Variants in STXBP5L observed in about 807,000 individuals in gnomAD.
STXBP5L encodes syntaxin-binding protein 5-like.
A neutral mutation model predicts 144.5 loss-of-function variants in STXBP5L; 65 were observed. That is an observed-to-expected ratio of 0.45 (90% CI 0.37 to 0.55). The LOEUF is 0.55. Among genes scored for constraint, STXBP5L ranks in the 20% least tolerant of loss-of-function variants. STXBP5L has a pLI of 0.00. For synonymous variants in STXBP5L, 505 were observed against 469.6 expected (o/e 1.08, Z -0.97); for missense variants, 1,298 against 1,405.5 (o/e 0.92, Z 1.22).
At chr3:121,084,960 G>A (rs555080013) in intron 5 of STXBP5L, among the ~76,000 whole-genome samples, 8 of 151,998 alleles carry the variant, frequency 5.3e-5, no homozygotes, top group Non-Finnish European at 1.2e-4. Flanking sequence ...TTTCTCTAAT[G>A]ATCAATGATG....
intron 20 of STXBP5L, among the ~76,000 whole-genome samples, chr3:121,368,340 T>C (rs1322281639): frequency 1.3e-5 from 2 of 152,146 alleles, no homozygotes; most frequent in Non-Finnish European, 2.9e-5. Flanking sequence ...TTAGGTTTTC[T>C]ATCTCTTTAC....
intron 15 of STXBP5L, among the ~76,000 whole-genome samples, chr3:121,253,797 A>ATTTTTTTTTT: frequency 8.3e-6 from 1 of 120,644 alleles, no homozygotes; most frequent in Non-Finnish European, 1.6e-5. Context: ...CGCCCCGCTA[A>ATTTTTTTTTT]TTTTTTTTTT....
intron 3 of STXBP5L, among the ~76,000 whole-genome samples, chr3:121,026,852 AAT>A (rs1041579632): frequency 2.6e-5 from 4 of 151,326 alleles, no homozygotes; most frequent in South Asian, 4.2e-4. Context: ...ATTATTAAAA[AAT>A]ATATATATAT....
At chr3:121,072,067 A>G (rs999623436) in intron 5 of STXBP5L, among the ~76,000 whole-genome samples, 3 of 152,220 alleles carry the variant, frequency 2.0e-5, no homozygotes, top group African/African-American at 7.2e-5. Context: ...TAACATCTGC[A>G]TTAGCTGTTG....
At chr3:121,109,674 C>G (rs1268717723) in intron 5 of STXBP5L, among the ~76,000 whole-genome samples, 1 of 152,134 alleles carries the variant, frequency 6.6e-6, no homozygotes, top group Non-Finnish European at 1.5e-5. Flanking sequence ...CCATGTGGTG[C>G]TGAAAATAAT....
At chr3:121,332,795 G>T (rs2044366054) in intron 20 of STXBP5L, among the ~76,000 whole-genome samples, 1 of 151,768 alleles carries the variant, frequency 6.6e-6, no homozygotes, top group African/African-American at 2.4e-5. Context: ...ATTGCAAAAA[G>T]GACATCACCA....
chr3:120,960,786 G>A (rs965998228), intron 3 of STXBP5L, among the ~76,000 whole-genome samples: 2 of 152,086 alleles, frequency 1.3e-5, no homozygotes, highest in Non-Finnish European at 2.9e-5. Flanking sequence ...GGGAGGGATA[G>A]CATTAGGAGA....
chr3:121,311,446 G>T (rs1302161378), intron 19 of STXBP5L, among the ~76,000 whole-genome samples: 1 of 152,196 alleles, frequency 6.6e-6, no homozygotes, highest in South Asian at 2.1e-4. Context: ...AATTAAAAGT[G>T]TGGTATATCT....
chr3:121,196,686 A>G (rs2047932579), intron 9 of STXBP5L, among the ~76,000 whole-genome samples: 1 of 151,856 alleles, frequency 6.6e-6, no homozygotes, highest in Admixed American at 6.6e-5. Context: ...GTTTTGAGAC[A>G]GGGTCCCATT....
intron 23 of STXBP5L, 94 bp downstream of exon 23, chr3:121,407,697 G>A: frequency 6.9e-7 from 1 of 1,454,716 alleles, no homozygotes; most frequent in Non-Finnish European, 9.3e-7. Context: ...ATGTTATCAA[G>A]AAGCAAACTG....
rs568974587 is a variant in STXBP5L, at chr3:121,326,456, A to G, written c.2176+7916A>G. ...CAAATGAAATTTGTTACTGTATTCC[A>G]ACCAGTCAGCTAATTAATCAGTAAA... On this transcript the variant is annotated intron_variant, in intron 20 of 26. Transcript: ENST00000471454. Among the ~76,000 whole-genome samples, 12 of 152,206 alleles carry G rather than the reference A, an allele frequency of 7.9e-5. No homozygotes were observed. In the South Asian group the frequency reaches 1.7e-3, roughly 21 times the overall value.
intron 5 of STXBP5L, among the ~76,000 whole-genome samples, chr3:121,095,446 T>G (rs1044113755): frequency 6.6e-6 from 1 of 152,242 alleles, no homozygotes; most frequent in Admixed American, 6.5e-5. Flanking sequence ...ATTTGATCTT[T>G]AAACATAGTC....
At chr3:121,175,937 TA>T (rs1205650426) in intron 9 of STXBP5L, among the ~76,000 whole-genome samples, 1 of 150,426 alleles carries the variant, frequency 6.6e-6, no homozygotes, top group African/African-American at 2.4e-5. Context: ...AATGTAGATA[TA>T]AAGGAATATT....
At chr3:121,191,517 AG>A (rs887941473) in intron 9 of STXBP5L, among the ~76,000 whole-genome samples, 1 of 152,034 alleles carries the variant, frequency 6.6e-6, no homozygotes, top group East Asian at 1.9e-4. Flanking sequence ...TGGGCATCAG[AG>A]GGAGACTGTG....
At chr3:121,156,991 C>G (rs1266694294) in intron 8 of STXBP5L, among the ~76,000 whole-genome samples, 1 of 151,988 alleles carries the variant, frequency 6.6e-6, no homozygotes, top group East Asian at 1.9e-4. Flanking sequence ...TGAATCTTAT[C>G]TGACTCAAAA....
At chr3:121,024,832 A>G (rs185499742) in intron 3 of STXBP5L, among the ~76,000 whole-genome samples, 7 of 152,192 alleles carry the variant, frequency 4.6e-5, no homozygotes, top group Non-Finnish European at 7.4e-5. Context: ...CAACAAAAAT[A>G]GTGCATAAAG....
At chr3:120,982,349 C>T (rs1426489790) in intron 3 of STXBP5L, among the ~76,000 whole-genome samples, 1 of 152,152 alleles carries the variant, frequency 6.6e-6, no homozygotes, top group Non-Finnish European at 1.5e-5. Context: ...CCATGAATAC[C>T]CTATTGACAA....
chr3:120,941,504 T>A (rs986638110), intron 2 of STXBP5L, among the ~76,000 whole-genome samples: 7 of 151,738 alleles, frequency 4.6e-5, no homozygotes, highest in African/African-American at 1.7e-4. Flanking sequence ...TTAAAAAAAA[T>A]TTTAAATGTG....
At chr3:121,277,458 T>C (rs988336453) in intron 18 of STXBP5L, among the ~76,000 whole-genome samples, 2 of 152,110 alleles carry the variant, frequency 1.3e-5, no homozygotes, top group African/African-American at 4.8e-5. Flanking sequence ...AAATTTCATA[T>C]ACATTTATAT....
Sources: gnomAD v4.1 joint callset for allele counts (sites outside exome capture counted in the v4.1 genomes callset) on GRCh38, gnomAD v4.1.1 for gene constraint, MANE v1.5 for transcripts, NCBI Gene and HGNC (gene_info 2026-07-23, HGNC 2026-07-21) for gene names.